MACROD2: variants seen among roughly 807,000 people sequenced by gnomAD.
MACROD2 encodes mono-ADP ribosylhydrolase 2.
A neutral mutation model predicts 70.4 loss-of-function variants in MACROD2; 36 were observed. That is an observed-to-expected ratio of 0.51 (90% CI 0.39 to 0.68). The LOEUF is 0.68. MACROD2 is among the 30% of genes least tolerant of loss of function. The pLI is 0.00. For synonymous variants in MACROD2, 172 were observed against 178.8 expected, an observed-to-expected ratio of 0.96 and a Z score of 0.30; for missense variants, 496 against 538.4, an observed-to-expected ratio of 0.92 and a Z score of 0.78.
At chr20:15,392,431 TG>T (rs2045805230) in intron 6 of MACROD2, among the ~76,000 whole-genome samples, 1 of 152,206 alleles carries the variant, frequency 6.6e-6, no homozygotes, top group Non-Finnish European at 1.5e-5. Flanking sequence ...ATTTTTATGA[TG>T]GCTTTTGATC....
chr20:15,009,983 A>G (rs537286796), intron 5 of MACROD2, among the ~76,000 whole-genome samples: 2 of 152,252 alleles, frequency 1.3e-5, no homozygotes, highest in East Asian at 3.9e-4. Context: ...GCTTCATAAA[A>G]AAAGCTCACT....
intron 10 of MACROD2, among the ~76,000 whole-genome samples, chr20:15,918,105 T>A (rs1238181344): frequency 6.6e-6 from 1 of 152,214 alleles, no homozygotes; most frequent in African/African-American, 2.4e-5. Flanking sequence ...CGTTTTGTAA[T>A]CATAAAATCT....
chr20:14,473,395 T>C (rs1023604588), intron 3 of MACROD2, among the ~76,000 whole-genome samples: 1 of 152,178 alleles, frequency 6.6e-6, no homozygotes, highest in African/African-American at 2.4e-5. Flanking sequence ...ATACGTGAGG[T>C]CATGGGGTAA....
chr20:15,897,116 T>G (rs186789348), intron 10 of MACROD2, among the ~76,000 whole-genome samples: 3 of 152,326 alleles, frequency 2.0e-5, no homozygotes, highest in Admixed American at 1.3e-4. Flanking sequence ...TATCTACAGG[T>G]TCCTTTAGTG....
intron 8 of MACROD2, among the ~76,000 whole-genome samples, chr20:15,629,303 A>G (rs1304509298): frequency 1.3e-5 from 2 of 152,140 alleles, no homozygotes; most frequent in Non-Finnish European, 1.5e-5. Context: ...AGCTTTTCTG[A>G]CGCGACTGTT....
Position 15,962,105 on chromosome 20 carries a change from G to A in MACROD2, c.908-5448G>A, listed in dbSNP as rs535208522. 3.9e-5 allele frequency among the ~76,000 whole-genome samples: 6 copies of A among 152,234 alleles called. No homozygotes were observed. In the South Asian group the frequency reaches 6.2e-4, roughly 16 times the overall value. ...CATTATGATGATTCTTTGTTGAGTC[G>A]CTGACTTAAAGACAGCCAGTGTGGC... On this transcript the variant is annotated intron_variant, in intron 12 of 17. Transcript: ENST00000684519.
chr20:15,363,043 G>T (rs1171260953), intron 6 of MACROD2, among the ~76,000 whole-genome samples: 5 of 152,036 alleles, frequency 3.3e-5, no homozygotes, highest in Non-Finnish European at 7.4e-5. Flanking sequence ...AAGCCCCTTA[G>T]GAATTCATGG....
intron 8 of MACROD2, among the ~76,000 whole-genome samples, chr20:15,732,849 A>G (rs941764876): frequency 1.3e-5 from 2 of 152,044 alleles, no homozygotes; most frequent in African/African-American, 4.8e-5. Flanking sequence ...GTCTTCTGAA[A>G]GAGATTGTAG....
intron 5 of MACROD2, among the ~76,000 whole-genome samples, chr20:15,120,426 C>T (rs887945212): frequency 1.8e-4 from 28 of 152,126 alleles, no homozygotes; most frequent in African/African-American, 6.8e-4. Flanking sequence ...TGAACAAATA[C>T]ACAGACTCTT....
chr20:15,288,888 T>TCTAC (rs1299602894), intron 6 of MACROD2, among the ~76,000 whole-genome samples: 3 of 151,628 alleles, frequency 2.0e-5, no homozygotes, highest in Non-Finnish European at 2.9e-5. Flanking sequence ...TATCTATCTA[T>TCTAC]CTATCTATCT....
intron 2 of MACROD2, among the ~76,000 whole-genome samples, chr20:14,066,805 ATTTTTTT>A (rs34648174): frequency 9.6e-6 from 1 of 104,108 alleles, no homozygotes; most frequent in African/African-American, 3.6e-5. Context: ...TGTTTTAGTG[ATTTTTTT>A]TTTTTTTTTT....
intron 15 of MACROD2, among the ~76,000 whole-genome samples, chr20:16,025,957 C>T (rs912802041): frequency 6.7e-6 from 1 of 149,836 alleles, no homozygotes; most frequent in Non-Finnish European, 1.5e-5. Context: ...ACCAGCCTGG[C>T]CAACATGGTG....
intron 8 of MACROD2, among the ~76,000 whole-genome samples, chr20:15,591,805 A>G (rs993061773): frequency 1.3e-5 from 2 of 152,130 alleles, no homozygotes; most frequent in Non-Finnish European, 2.9e-5. Flanking sequence ...ATTTGTCTGT[A>G]GGCACTGTGA....
chr20:15,426,431 A>G (rs2046299181), intron 6 of MACROD2, among the ~76,000 whole-genome samples: 1 of 151,982 alleles, frequency 6.6e-6, no homozygotes, highest in African/African-American at 2.4e-5. Context: ...TGCAGCCTCA[A>G]CATCCTGGGC....
At chr20:15,175,027 A>G (rs1409850634) in intron 5 of MACROD2, among the ~76,000 whole-genome samples, 1 of 151,938 alleles carries the variant, frequency 6.6e-6, no homozygotes, top group African/African-American at 2.4e-5. Context: ...CCATTTGTCA[A>G]TTTTGGCTTT....
intron 4 of MACROD2, among the ~76,000 whole-genome samples, chr20:14,656,703 C>T (rs1411110897): frequency 2.0e-5 from 3 of 152,170 alleles, no homozygotes; most frequent in Non-Finnish European, 2.9e-5. Flanking sequence ...GTGAATTTCG[C>T]GTCAGACCAG....
chr20:14,381,038 TC>T (rs2083415728), intron 3 of MACROD2, among the ~76,000 whole-genome samples: 1 of 152,180 alleles, frequency 6.6e-6, no homozygotes, highest in African/African-American at 2.4e-5. Context: ...ATAGTTCATC[TC>T]CTGATTTATA....
intron 5 of MACROD2, among the ~76,000 whole-genome samples, chr20:14,831,733 T>C (rs558816745): frequency 8.3e-6 from 1 of 120,332 alleles, no homozygotes; most frequent in South Asian, 2.9e-4. Flanking sequence ...TGAGCTGAGA[T>C]CGCGCCACTG....
intron 3 of MACROD2, among the ~76,000 whole-genome samples, chr20:14,302,941 C>T (rs546514731): frequency 2.8e-4 from 43 of 152,186 alleles, no homozygotes; most frequent in Admixed American, 6.5e-4. Context: ...TGTGAGCCAC[C>T]GTGCCTGGCC....
Sources: allele counts gnomAD v4.1 joint callset (sites outside exome capture counted in the v4.1 genomes callset), GRCh38; gene constraint gnomAD v4.1.1; transcripts MANE v1.5; gene names NCBI Gene and HGNC (gene_info 2026-07-23, HGNC 2026-07-21).